The following USF3 variants were observed in gnomAD, a reference collection of about 807,000 sequenced individuals.
USF3 encodes basic helix-loop-helix domain-containing protein USF3.
In USF3, 29 loss-of-function variants were observed where a neutral mutation model predicts 157.5. That is an observed-to-expected ratio of 0.18 (90% CI 0.14 to 0.25). USF3 has a LOEUF of 0.25. Ranked by LOEUF, USF3 falls within the 10% of genes least tolerant of loss-of-function variation. USF3 has a pLI of 1.00. For missense variants in USF3, 2,381 were observed against 2,667.6 expected (o/e 0.89, Z 2.37); for synonymous variants, 893 against 941.4 (o/e 0.95, Z 0.94).
rs1411506041 is a variant in USF3, at chr3:113,656,393, A to T, written c.5289T>A (p.Pro1763=). The T allele has an allele frequency of 1.8e-5, 29 of 1,614,094 alleles. No individual in the cohort carries two copies. Among genetic ancestry groups the T allele is most frequent in the Non-Finnish European group, 2.5e-5 (29 of 1,180,042 alleles). Residue 1763 remains proline (P), a synonymous_variant, in exon 7 of 7, where the codon CCT becomes CCA. Coordinates refer to ENST00000316407, the MANE Select transcript of USF3 (RefSeq NM_001009899.4). ...ACTGCATACTCCGCAATGATGATAC[A>T]GGGTTACCTATTTCATTGTTTCTTG... ...QSSRNNEIGN[P]VSSLRSMQSQ...
chr3:113,660,169 G>A lies in USF3; in HGVS notation c.1513C>T (p.Pro505Ser). The change falls in exon 7 of 7, where the codon CCT becomes TCT. Residue 505 changes from proline (P) to serine (S), a missense_variant. This residue lies in a region of USF3 where 1,435 missense variants were observed against 1,550.9 expected (regional missense o/e 0.93). Coordinates refer to ENST00000316407, the MANE Select transcript of USF3 (RefSeq NM_001009899.4). Reference sequence around the variant, plus strand: ...GGCTGGGCAATTAGTGGCTGCATAGGTAAAGATGGACAAGAAGGCAATGTT... The same window carrying A: ...GGCTGGGCAATTAGTGGCTGCATAGATAAAGATGGACAAGAAGGCAATGTT... ...VVTLPSCPSL[P>S]MQPLIAQPQV... 6.2e-7 allele frequency: 1 copy of A among 1,614,156 alleles called. No individual in the cohort carries two copies. Among genetic ancestry groups the A allele is most frequent in the Non-Finnish European group, 8.5e-7 (1 of 1,180,006 alleles).
At chr3:113,665,556 G>C (rs959742683) in intron 5 of USF3, among the ~76,000 whole-genome samples, 1 of 152,214 alleles carries the variant, frequency 6.6e-6, no homozygotes, top group Non-Finnish European at 1.5e-5. Flanking sequence ...GCCAGGCGCA[G>C]TGGCTCATGC....
chr3:113,663,657 C>T (rs1947520591), intron 6 of USF3, among the ~76,000 whole-genome samples: 1 of 152,178 alleles, frequency 6.6e-6, no homozygotes, highest in Non-Finnish European at 1.5e-5. Context: ...TCTCCTTGCA[C>T]TTGTCAGGGG....
At chr3:113,661,569 TACA>T (rs1290459360) in intron 6 of USF3, 144 bp from the exon 7 acceptor site, 3 of 468,560 alleles carry the variant, frequency 6.4e-6, no homozygotes, top group Non-Finnish European at 1.1e-5. Flanking sequence ...TCTTTTCTAA[TACA>T]ACTTCTTTTT....
rs879138126 is a variant in USF3 at position 113,657,266 on chromosome 3, C to CTGT, written c.4415_4416insACA (p.Gln1478dup). The stretch of plus-strand genomic sequence containing the variant: ...GCCCTGCTTGTTGTTGTTGCTGTTG[C>CTGT]TGCTGCTGCTGCTGCTGCTGCTGCT... On this transcript the variant is annotated inframe_insertion, in exon 7 of 7. Transcript: ENST00000316407. 7 of 59,220 alleles carry CTGT rather than the reference C, an allele frequency of 1.2e-4. No homozygotes were observed. In the Admixed American group the frequency reaches 3.0e-3, roughly 25 times the overall value. 3.7% of individuals were successfully genotyped at this position (59,220 alleles called of 1,614,324 possible). A position where few individuals can be genotyped will look rare whatever the true frequency, so the allele number is the denominator to read the frequency against.
rs1947260424 is a variant in USF3 at position 113,651,503 on chromosome 3, C to A, written c.*3441G>T. 1 of 152,136 alleles carries A rather than the reference C, an allele frequency of 6.6e-6. No homozygotes were observed. The highest frequency in any genetic ancestry group is 2.1e-4 in the South Asian group (1 of 4,816). The allele number at this position is 152,136 out of a possible 1,614,324, so 9.4% of individuals were successfully genotyped here. ...TGAGCCCTATTTCACATGGAGCAGG[C>A]CAAGAATAAGGTTACGTTTATTATA... On this transcript the variant is annotated 3_prime_UTR_variant, in exon 7 of 7. Transcript: ENST00000316407.
chr3:113,671,452 G>GAC (rs1707151001), intron 4 of USF3, among the ~76,000 whole-genome samples: 1 of 152,178 alleles, frequency 6.6e-6, no homozygotes, highest in African/African-American at 2.4e-5. Flanking sequence ...CAAAGCAACT[G>GAC]ACAGCTTCTC....
chr3:113,685,463 G>C (rs937830975), intron 1 of USF3, among the ~76,000 whole-genome samples: 6 of 152,124 alleles, frequency 3.9e-5, no homozygotes, highest in Admixed American at 3.9e-4. Flanking sequence ...TGGCCCAGTG[G>C]GGGGTCTAGA....
intron 4 of USF3, 54 bp downstream of exon 4, chr3:113,673,294 G>A (rs1346185675): frequency 4.2e-6 from 5 of 1,180,210 alleles, no homozygotes; most frequent in Non-Finnish European, 6.3e-6. Flanking sequence ...ACTGCAGTAT[G>A]ATTTCATTTT....
intron 3 of USF3, among the ~76,000 whole-genome samples, chr3:113,673,690 T>C (rs985523874): frequency 2.0e-5 from 3 of 152,222 alleles, no homozygotes; most frequent in Non-Finnish European, 4.4e-5. Context: ...AAATATAACT[T>C]AGGTGCTGGT....
Position 113,653,025 on chromosome 3 carries a change from C to G in USF3, c.*1919G>C. 1.5e-6 allele frequency: 1 copy of G among 677,248 alleles called. No homozygotes were observed. The highest frequency in any genetic ancestry group is 2.2e-6 in the Non-Finnish European group (1 of 457,052). The allele number at this position is 677,248 out of a possible 1,614,324, so 42.0% of individuals were successfully genotyped here. A position where few individuals can be genotyped will look rare whatever the true frequency, so the allele number is the denominator to read the frequency against. ...TGTTCCTGGTGTTAGTTGCACCTAA[C>G]GACACTCCAGCCTGGGTGACAGAGT... On this transcript the variant is annotated 3_prime_UTR_variant, in exon 7 of 7. Transcript: ENST00000316407.
rs774496790 is a variant in USF3, at chr3:113,655,730, G to C, written c.5952C>G (p.Asp1984Glu). 1.9e-6 allele frequency: 3 copies of C among 1,613,908 alleles called. No homozygotes were observed. Among genetic ancestry groups the C allele is most frequent in the South Asian group, 2.2e-5 (2 of 91,010 alleles). The stretch of plus-strand genomic sequence containing the variant: ...GCTGACGAATTTTGGAACCACTGCT[G>C]TCTTGCAGGGGATGCCTTGATCTCT... The part of the protein sequence containing the change: ...VPQRSRHPLQ[D>E]SSGSKIRQPE... The change falls in exon 7 of 7, where the codon GAC becomes GAG. Residue 1984 changes from aspartate (D) to glutamate (E), a missense_variant. Transcript: ENST00000316407.
chr3:113,683,369 A>AAAATTATTAT (rs1707478684), intron 1 of USF3, among the ~76,000 whole-genome samples: 1 of 57,210 alleles, frequency 1.7e-5, no homozygotes, highest in African/African-American at 5.9e-5. Context: ...AGTTTTTAAA[A>AAAATTATTAT]CTATAGTTTA....
chr3:113,668,604 G>C (rs1282351240), intron 5 of USF3, among the ~76,000 whole-genome samples: 1 of 151,370 alleles, frequency 6.6e-6, no homozygotes, highest in Non-Finnish European at 1.5e-5. Context: ...TCATTCCCAA[G>C]TATGAAAAAA....
At chr3:113,691,246 T>A (rs1707675182) in intron 1 of USF3, among the ~76,000 whole-genome samples, 1 of 152,072 alleles carries the variant, frequency 6.6e-6, no homozygotes, top group South Asian at 2.1e-4. Flanking sequence ...CTAAACTGAT[T>A]TTTCTCCTGA....
At chr3:113,687,547 G>T (rs766771458) in intron 1 of USF3, among the ~76,000 whole-genome samples, 1 of 150,770 alleles carries the variant, frequency 6.6e-6, no homozygotes, top group Non-Finnish European at 1.5e-5. Context: ...GTATCTATCT[G>T]TATTTATATT....
chr3:113,679,238 C>T (rs1034732998), intron 1 of USF3, among the ~76,000 whole-genome samples: 2 of 150,730 alleles, frequency 1.3e-5, no homozygotes, highest in African/African-American at 4.8e-5. Context: ...AAGTGTGGTG[C>T]TCAGATCACC....
Position 113,656,473 on chromosome 3 carries a change from A to G in USF3, c.5209T>C (p.Phe1737Leu), listed in dbSNP as rs367971917. ...SDIRLSDCQT[F>L]KPSGASQQPQ... ...TGTTGACTAGCTCCACTTGGTTTAA[A>G]CGTCTGACAATCAGAAAGGCGGATA... The change falls in exon 7 of 7, where the codon TTT (phenylalanine) becomes CTT (leucine). Residue 1737 changes from phenylalanine (F) to leucine (L), a missense_variant. Physicochemically the swap from Phe to Leu is conservative, Grantham distance 22. Transcript: ENST00000316407. The G allele has an allele frequency of 1.2e-6, 2 of 1,614,002 alleles. No individual in the cohort carries two copies. Among genetic ancestry groups the G allele is most frequent in the Non-Finnish European group, 1.7e-6 (2 of 1,180,046 alleles).
At chr3:113,695,880 A>G (rs1409172018) in intron 1 of USF3, among the ~76,000 whole-genome samples, 1 of 152,264 alleles carries the variant, frequency 6.6e-6, no homozygotes, top group African/African-American at 2.4e-5. Flanking sequence ...ACACAAGCCT[A>G]ACACTTCGAC....
Sources: gnomAD v4.1 joint callset for allele counts (sites outside exome capture counted in the v4.1 genomes callset) on GRCh38, gnomAD v4.1.1 for gene constraint, gnomAD v4.1.1 regional missense constraint, MANE v1.5 for transcripts, NCBI Gene and HGNC (gene_info 2026-07-23, HGNC 2026-07-21) for gene names.